The following ERC1 variants were observed in gnomAD, a reference collection of about 807,000 sequenced individuals.
ERC1 encodes the protein RAB6 interacting protein 2.
In ERC1, 56 loss-of-function variants were observed where a neutral mutation model predicts 132.0. The ratio of observed to expected loss-of-function variants is 0.42; its 90% CI spans 0.34 to 0.53. The LOEUF (loss-of-function observed/expected upper bound fraction) is 0.53, where lower values mean the gene tolerates loss of function less well. Among genes scored for constraint, ERC1 ranks in the 20% least tolerant of loss-of-function variants. ERC1 has a pLI of 0.03. For missense variants in ERC1, 1,202 were observed against 1,349.9 expected, an observed-to-expected ratio of 0.89 and a Z score of 1.72; for synonymous variants, 478 against 476.1, an observed-to-expected ratio of 1.00 and a Z score of -0.05.
At chr12:1,017,170 T>C (rs1304644188) in intron 1 of ERC1, among the ~76,000 whole-genome samples, 1 of 151,902 alleles carries the variant, frequency 6.6e-6, no homozygotes, top group Non-Finnish European at 1.5e-5. Flanking sequence ...CTAATTTTTG[T>C]ATTTTTAGTA....
At chr12:1,400,671 T>A (rs1489477776) in intron 16 of ERC1, among the ~76,000 whole-genome samples, 2 of 152,136 alleles carry the variant, frequency 1.3e-5, no homozygotes, top group Non-Finnish European at 2.9e-5. Context: ...TCCCACACCA[T>A]GGGATGAAAA....
intron 3 of ERC1, among the ~76,000 whole-genome samples, chr12:1,099,527 C>T (rs2154196751): frequency 6.6e-6 from 1 of 152,320 alleles, no homozygotes; most frequent in South Asian, 2.1e-4. Context: ...CCTAATTACT[C>T]TCTTACAGTA....
intron 2 of ERC1, among the ~76,000 whole-genome samples, chr12:1,067,531 A>C (rs1157662494): frequency 6.6e-6 from 1 of 152,216 alleles, no homozygotes; most frequent in Non-Finnish European, 1.5e-5. Context: ...GAAATTGCTG[A>C]TGGAAGTGGA....
intron 14 of ERC1, among the ~76,000 whole-genome samples, chr12:1,266,226 A>G (rs1370986646): frequency 2.6e-5 from 4 of 152,148 alleles, no homozygotes; most frequent in South Asian, 2.1e-4. Flanking sequence ...CTCACTGCCT[A>G]TCTGAAGCTG....
At chr12:1,336,029 A>G (rs1316251620) in intron 15 of ERC1, among the ~76,000 whole-genome samples, 6 of 152,182 alleles carry the variant, frequency 3.9e-5, no homozygotes, top group African/African-American at 1.4e-4. Context: ...CCTTTCTTCT[A>G]GATTTCCTAG....
chr12:1,007,375 C>T (rs1374192672), intron 1 of ERC1, among the ~76,000 whole-genome samples: 2 of 152,042 alleles, frequency 1.3e-5, no homozygotes, highest in Non-Finnish European at 2.9e-5. Context: ...GGACCTGTTC[C>T]CACTAAAGCC....
intron 7 of ERC1, among the ~76,000 whole-genome samples, chr12:1,127,943 G>A (rs1444391560): frequency 3.3e-5 from 5 of 152,062 alleles, no homozygotes; most frequent in African/African-American, 7.2e-5. Flanking sequence ...GAGAAAGGTC[G>A]GACGAGAAAA....
At chr12:1,040,567 A>G (rs948939764) in intron 2 of ERC1, among the ~76,000 whole-genome samples, 1 of 151,908 alleles carries the variant, frequency 6.6e-6, no homozygotes, top group Non-Finnish European at 1.5e-5. Context: ...AGGCCTCCCA[A>G]AGTGCTGGGT....
intron 1 of ERC1, among the ~76,000 whole-genome samples, chr12:1,010,771 C>A (rs557107283): frequency 7.9e-5 from 12 of 151,870 alleles, no homozygotes; most frequent in Non-Finnish European, 1.3e-4. Flanking sequence ...TCTTGGCCTC[C>A]GAAAGTGCTG....
At chr12:1,413,707 G>A (rs958959259) in intron 17 of ERC1, among the ~76,000 whole-genome samples, 3 of 152,204 alleles carry the variant, frequency 2.0e-5, no homozygotes, top group Non-Finnish European at 4.4e-5. Context: ...TAGAATTTGA[G>A]CATGATTTGA....
chr12:1,123,243 G>T (rs1482883661), intron 7 of ERC1, among the ~76,000 whole-genome samples: 3 of 152,034 alleles, frequency 2.0e-5, no homozygotes, highest in African/African-American at 7.3e-5. Context: ...AATCAAAATG[G>T]AATGTATAAG....
intron 18 of ERC1, among the ~76,000 whole-genome samples, chr12:1,457,809 C>A (rs995898955): frequency 6.6e-6 from 1 of 152,128 alleles, no homozygotes; most frequent in South Asian, 2.1e-4. Context: ...GGGAGGGTCA[C>A]TTGAGCCCAG....
intron 2 of ERC1, among the ~76,000 whole-genome samples, chr12:1,070,052 T>TGAGA (rs147072663): frequency 6.7e-6 from 1 of 149,606 alleles, no homozygotes; most frequent in South Asian, 2.1e-4. Flanking sequence ...TAAGCAACAG[T>TGAGA]GAGAGAGAGA....
intron 17 of ERC1, among the ~76,000 whole-genome samples, chr12:1,415,757 G>C (rs1366015585): frequency 1.3e-5 from 2 of 152,206 alleles, no homozygotes; most frequent in East Asian, 3.8e-4. Context: ...AGACAAGGAA[G>C]AATTCGATCC....
intron 8 of ERC1, among the ~76,000 whole-genome samples, chr12:1,175,267 G>A (rs55762607): frequency 0.098 from 14,623 of 149,764 alleles, 1,000 homozygotes; most frequent in African/African-American, 0.17. Flanking sequence ...CAATTGACTC[G>A]TCGTTTCAAA....
intron 14 of ERC1, among the ~76,000 whole-genome samples, chr12:1,282,118 A>T (rs552000819): frequency 3.3e-5 from 5 of 152,254 alleles, no homozygotes; most frequent in African/African-American, 1.2e-4. Context: ...TTTTAAAAAG[A>T]GTGGGAATGG....
chr12:1,378,922 G>A (rs1366580136), intron 16 of ERC1, among the ~76,000 whole-genome samples: 1 of 152,092 alleles, frequency 6.6e-6, no homozygotes, highest in Non-Finnish European at 1.5e-5. Flanking sequence ...GGACTTCATG[G>A]TTTTGACAAA....
intron 2 of ERC1, among the ~76,000 whole-genome samples, chr12:1,053,692 C>G (rs1972436728): frequency 1.3e-5 from 2 of 152,024 alleles, no homozygotes. Context: ...CTATTTGTTC[C>G]CTCTTGCTAG....
chr12:1,196,806 T>TTCTCTCTCTC lies in ERC1; in HGVS notation c.2351+6770_2351+6779dup, dbSNP rs755412381. On this transcript the variant is annotated intron_variant, in intron 12 of 18. Transcript: ENST00000360905. ...CACCTGGTGCATGTGCGCACGCTAT[T>TTCTCTCTCTC]TCTCTCTCTCTCTCTCTCTCTCTCT... 7.4e-3 allele frequency among the ~76,000 whole-genome samples: 664 copies of TTCTCTCTCTC among 90,322 alleles called. 51 individuals carry two copies. Among genetic ancestry groups the TTCTCTCTCTC allele is most frequent in the Middle Eastern group, 0.019 (3 of 156 alleles). 59.3% of individuals were successfully genotyped at this position (90,322 alleles called of 152,430 possible).
Sources: gnomAD v4.1 joint callset for allele counts (sites outside exome capture counted in the v4.1 genomes callset) on GRCh38, gnomAD v4.1.1 for gene constraint, MANE v1.5 for transcripts, NCBI Gene and HGNC (gene_info 2026-07-23, HGNC 2026-07-21) for gene names.